The following ATG4B variants were observed in gnomAD, a reference collection of about 807,000 sequenced individuals.
The protein encoded by ATG4B is cysteine protease ATG4B.
Under a neutral mutation model 56.6 loss-of-function variants are expected in ATG4B, and 29 were observed. The observed-to-expected ratio is 0.51, with a 90% CI of 0.38 to 0.70. The LOEUF is 0.70. Among genes scored for constraint, ATG4B ranks in the 30% least tolerant of loss-of-function variants. The probability of loss-of-function intolerance (pLI) is 0.00; values close to 1 mark genes in which losing one functional copy is unlikely to be tolerated. For synonymous variants in ATG4B, 224 were observed against 206.1 expected, an observed-to-expected ratio of 1.09 and a Z score of -0.74; for missense variants, 461 against 515.5, an observed-to-expected ratio of 0.89 and a Z score of 1.02.
intron 1 of ATG4B, among the ~76,000 whole-genome samples, chr2:241,642,332 T>C (rs1460763943): frequency 2.0e-5 from 3 of 152,076 alleles, no homozygotes; most frequent in African/African-American, 7.2e-5. Context: ...TTCCTTTCTC[T>C]CTTTCTCTGT....
intron 6 of ATG4B, 138 bp from the exon 7 acceptor site, chr2:241,658,970 C>T: frequency 1.7e-6 from 1 of 599,746 alleles, no homozygotes; most frequent in Non-Finnish European, 2.9e-6. Context: ...TTGGCTGTGC[C>T]CCGGATTTTA....
In ATG4B at chr2:241,652,662, C is replaced by G. The variant is rs1416212547; in HGVS notation, c.185-850C>G. On this transcript the variant is annotated intron_variant, in intron 3 of 12. Transcript: ENST00000404914. ...CAGGTGCACACCACCACGCCTGGCT[C>G]TGAGATACGTTTTTATCAGCAGTAG... 2.0e-5 allele frequency among the ~76,000 whole-genome samples: 3 copies of G among 152,200 alleles called. No homozygotes were observed. The East Asian group carries it at 5.8e-4, about 29-fold the overall frequency.
In ATG4B at chr2:241,662,208, A is replaced by G. The variant is rs147048980; in HGVS notation, c.538+3021A>G. 3.4e-3 allele frequency among the ~76,000 whole-genome samples: 519 copies of G among 152,338 alleles called. 1 individual carries two copies. Among genetic ancestry groups the G allele is most frequent in the Non-Finnish European group, 5.5e-3 (375 of 68,024 alleles). ...GTACTTAAACATACATGTTCCTGATAATATTTCCAAATTGCAGAAGTAAAG... is the reference window on the plus strand; with the variant it reads ...GTACTTAAACATACATGTTCCTGATGATATTTCCAAATTGCAGAAGTAAAG... On this transcript the variant is annotated intron_variant, in intron 7 of 12. Transcript: ENST00000404914.
chr2:241,641,168 T>G (rs1174979169), intron 1 of ATG4B, among the ~76,000 whole-genome samples: 1 of 152,088 alleles, frequency 6.6e-6, no homozygotes, highest in East Asian at 1.9e-4. Flanking sequence ...GACAATAGAA[T>G]TTGTTTGTAG....
Position 241,666,682 on chromosome 2 carries a change from C to T in ATG4B, c.576C>T (p.Ala192=). The T allele has an allele frequency of 6.2e-7, 1 of 1,613,546 alleles. No individual in the cohort carries two copies. The highest frequency in any genetic ancestry group is 8.5e-7 in the Non-Finnish European group (1 of 1,179,782). Residue 192 remains alanine (A), a synonymous_variant, in exon 8 of 13, where the codon GCC becomes GCT. Transcript: ENST00000404914. ...LCRTSVPCAG[A]TAFPADSDRH... ...GGACCAGCGTTCCCTGTGCAGGCGC[C>T]ACTGCGTTTCCTGCAGATTCCGACC... is the stretch of plus-strand genomic sequence containing the variant.
intron 7 of ATG4B, among the ~76,000 whole-genome samples, chr2:241,663,472 A>C (rs183113752): frequency 6.6e-6 from 1 of 152,294 alleles, no homozygotes; most frequent in East Asian, 1.9e-4. Flanking sequence ...AACCTCAAAA[A>C]AGTCAAGTGT....
At chr2:241,660,822 G>A (rs1460350766) in intron 7 of ATG4B, among the ~76,000 whole-genome samples, 1 of 152,146 alleles carries the variant, frequency 6.6e-6, no homozygotes, top group African/African-American at 2.4e-5. Flanking sequence ...TCCCTCCCGT[G>A]TTTGGGGAAA....
Position 241,651,785 on chromosome 2 carries a change from CT to C in ATG4B, c.184+456del. 3 of 795,802 alleles carry C rather than the reference CT, an allele frequency of 3.8e-6. No homozygotes were observed. Among genetic ancestry groups the C allele is most frequent in the Admixed American group, 2.6e-5 (1 of 38,776 alleles). The allele number at this position is 795,802 out of a possible 1,614,324, so 49.3% of individuals were successfully genotyped here. A position where few individuals can be genotyped will look rare whatever the true frequency, so the allele number is the denominator to read the frequency against. On this transcript the variant is annotated intron_variant, in intron 3 of 12. Transcript: ENST00000404914. This position sits in a 1 kb window ranked among gnomAD's most constrained non-coding sequence, Gnocchi z 4.1. Reference sequence around the variant, plus strand: ...GGAAGCCATTCTCTGTAGCCCTCATCTTTTTTAGTATTTTCCACACTTAACC... The same window carrying C: ...GGAAGCCATTCTCTGTAGCCCTCATCTTTTTAGTATTTTCCACACTTAACC...
At chr2:241,641,906 C>T (rs1480417207) in intron 1 of ATG4B, among the ~76,000 whole-genome samples, 1 of 152,206 alleles carries the variant, frequency 6.6e-6, no homozygotes, top group East Asian at 1.9e-4. Context: ...TAAAAGCATG[C>T]TCCCCATTCA....
intron 1 of ATG4B, among the ~76,000 whole-genome samples, chr2:241,643,651 A>AAT (rs1296545111): frequency 7.6e-5 from 9 of 118,844 alleles, no homozygotes; most frequent in South Asian, 2.9e-4. Flanking sequence ...TATATGTATA[A>AAT]ATATATATAT....
At chr2:241,653,287 T>C (rs2068277265) in intron 3 of ATG4B, 1 of 1,505,124 alleles carries the variant, frequency 6.6e-7, no homozygotes, top group Non-Finnish European at 9.0e-7. Context: ...GACTTGTTCA[T>C]GTGTTTTGCC....
At chr2:241,637,841 TGGGCCGGGGCGGCGGGCGCTGC>T (rs2067718347) in intron 1 of ATG4B, 117 bp downstream of exon 1, 7 of 1,034,422 alleles carry the variant, frequency 6.8e-6, no homozygotes, top group African/African-American at 1.8e-5. Context: ...CGGGCCAGGC[TGGGCCGGGGCGGCGGGCGCTGC>T]GGGAGCGCGG....
At chr2:241,654,510 T>G (rs1297271886) in intron 4 of ATG4B, 36 bp from the exon 5 acceptor site, 1 of 1,457,458 alleles carries the variant, frequency 6.9e-7, no homozygotes, top group Admixed American at 2.0e-5. Flanking sequence ...TTCTCATATT[T>G]ATGGTAGAGC....
At chr2:241,645,822 A>G (rs1043024430) in intron 1 of ATG4B, among the ~76,000 whole-genome samples, 10 of 151,966 alleles carry the variant, frequency 6.6e-5, no homozygotes, top group African/African-American at 9.7e-5. Flanking sequence ...AGGGGAATGT[A>G]TGACTCGCTC....
Position 241,651,146 on chromosome 2 carries a change from C to T in ATG4B, c.112+35C>T, listed in dbSNP as rs756794067. The T allele has an allele frequency of 6.9e-6, 11 of 1,585,698 alleles. No individual in the cohort carries two copies. The highest frequency in any genetic ancestry group is 3.3e-4 in the Middle Eastern group (2 of 6,040). On this transcript the variant is annotated intron_variant, in intron 2 of 12. Coordinates refer to ENST00000404914, the MANE Select transcript of ATG4B (RefSeq NM_013325.5). This position sits in a 1 kb window ranked among gnomAD's most constrained non-coding sequence, Gnocchi z 4.1. ...ATGCTGGAGCCCACCCTGGTCTGACCGCTTGGCCTGCAGAAGCATTTTGTG... is the reference window on the plus strand; with the variant it reads ...ATGCTGGAGCCCACCCTGGTCTGACTGCTTGGCCTGCAGAAGCATTTTGTG...
In ATG4B at chr2:241,672,320, C is replaced by A; in HGVS notation, c.*56C>A. 1.4e-6 allele frequency: 2 copies of A among 1,455,294 alleles called. No homozygotes were observed. Among genetic ancestry groups the A allele is most frequent in the Non-Finnish European group, 9.4e-7 (1 of 1,060,646 alleles). The allele number at this position is 1,455,294 out of a possible 1,614,324, so 90.1% of individuals were successfully genotyped here. On this transcript the variant is annotated 3_prime_UTR_variant, in exon 13 of 13. Transcript: ENST00000404914. ...GAGCCTGGGGCTCCTGGTGCCGCTGCGTTTCATCCATCCCGCCCGCTCGCC... is the reference window on the plus strand; with the variant it reads ...GAGCCTGGGGCTCCTGGTGCCGCTGAGTTTCATCCATCCCGCCCGCTCGCC...
intron 6 of ATG4B, among the ~76,000 whole-genome samples, chr2:241,656,605 C>T (rs1311503401): frequency 6.6e-6 from 1 of 152,240 alleles, no homozygotes; most frequent in Non-Finnish European, 1.5e-5. Context: ...GATGATCCTC[C>T]CCAACCTGCA....
At chr2:241,670,112 G>C (rs2068915179) in intron 10 of ATG4B, among the ~76,000 whole-genome samples, 1 of 152,248 alleles carries the variant, frequency 6.6e-6, no homozygotes, top group South Asian at 2.1e-4. Context: ...GGAAGAGAGT[G>C]CCCAGTTTGA....
rs993508366 is a variant in ATG4B at position 241,672,305 on chromosome 2, C to T, written c.*41C>T. ...GGGTGGCACCTGTGAGAGCCTGGGG[C>T]TCCTGGTGCCGCTGCGTTTCATCCA... is the stretch of plus-strand genomic sequence containing the variant. On this transcript the variant is annotated 3_prime_UTR_variant, in exon 13 of 13. Coordinates refer to ENST00000404914, the MANE Select transcript of ATG4B (RefSeq NM_013325.5). 1.6e-5 allele frequency: 24 copies of T among 1,497,888 alleles called. No homozygotes were observed. Among genetic ancestry groups the T allele is most frequent in the Non-Finnish European group, 2.1e-5 (23 of 1,097,852 alleles). 92.8% of individuals were successfully genotyped at this position (1,497,888 alleles called of 1,614,324 possible).
Sources: gnomAD v4.1 joint callset for allele counts (sites outside exome capture counted in the v4.1 genomes callset) on GRCh38, gnomAD v4.1.1 for gene constraint, Gnocchi (gnomAD v3.1) non-coding constraint, MANE v1.5 for transcripts, NCBI Gene and HGNC (gene_info 2026-07-23, HGNC 2026-07-21) for gene names.